Variants in TCF20 observed in about 807,000 individuals in gnomAD.
TCF20 encodes the protein SPRE-binding protein.
A neutral mutation model predicts 148.6 loss-of-function variants in TCF20; 3 were observed. The ratio of observed to expected loss-of-function variants is 0.02; its 90% CI spans 0.01 to 0.05. The LOEUF is 0.05. Ranked by LOEUF, TCF20 falls within the 10% of genes least tolerant of loss-of-function variation. The pLI, the probability that TCF20 is intolerant of heterozygous loss-of-function variation, is 1.00. For synonymous variants in TCF20, 1,049 were observed against 909.5 expected (o/e 1.15, Z -2.76); for missense variants, 2,350 against 2,429.3 (o/e 0.97, Z 0.69).
intron 1 of TCF20, among the ~76,000 whole-genome samples, chr22:42,342,217 G>T (rs916066471): frequency 6.6e-6 from 1 of 152,160 alleles, no homozygotes; most frequent in Non-Finnish European, 1.5e-5. Flanking sequence ...TGGCAATGGC[G>T]TCCCAATGGA....
At chr22:42,244,122 C>T (rs764345338) in intron 1 of TCF20, among the ~76,000 whole-genome samples, 4 of 152,062 alleles carry the variant, frequency 2.6e-5, no homozygotes, top group East Asian at 1.9e-4. Context: ...GAGAATCACT[C>T]GAGCCCAGTG....
At chr22:42,217,297 G>T (rs563526695) in intron 1 of TCF20, among the ~76,000 whole-genome samples, 4 of 152,228 alleles carry the variant, frequency 2.6e-5, no homozygotes, top group Non-Finnish European at 4.4e-5. Context: ...TCACCTGCAC[G>T]TTCTTCTCCC....
At chr22:42,195,758 CCA>C (rs1937575092) in intron 2 of TCF20, among the ~76,000 whole-genome samples, 2 of 152,312 alleles carry the variant, frequency 1.3e-5, no homozygotes, top group South Asian at 4.1e-4. Flanking sequence ...CCTCGGCCTC[CCA>C]CAGTGCCAGG....
chr22:42,205,784 T>G (rs1158885558), intron 2 of TCF20, among the ~76,000 whole-genome samples: 2 of 152,212 alleles, frequency 1.3e-5, no homozygotes, highest in East Asian at 1.9e-4. Flanking sequence ...TTTCTTATTT[T>G]TTTTAGAGAT....
intron 1 of TCF20, among the ~76,000 whole-genome samples, chr22:42,296,625 C>T (rs1927241877): frequency 6.6e-6 from 1 of 152,202 alleles, no homozygotes; most frequent in African/African-American, 2.4e-5. Flanking sequence ...CTCACAGTGC[C>T]CGAGCTGTCA....
chr22:42,335,529 T>C (rs759797940), intron 1 of TCF20, among the ~76,000 whole-genome samples: 1 of 152,174 alleles, frequency 6.6e-6, no homozygotes, highest in Non-Finnish European at 1.5e-5. Flanking sequence ...AATATCCTTA[T>C]TAAGGGACTG....
chr22:42,292,942 A>G lies in TCF20; in HGVS notation c.-37+50537T>C, dbSNP rs1354976461. Among the ~76,000 whole-genome samples, 2 of 150,334 alleles carry G rather than the reference A, an allele frequency of 1.3e-5. No homozygotes were observed. The highest frequency in any genetic ancestry group is 6.7e-5 in the Admixed American group (1 of 14,992). On this transcript the variant is annotated intron_variant, in intron 1 of 1. Transcript: ENST00000515426. This position sits in a 1 kb window ranked among gnomAD's most constrained non-coding sequence, Gnocchi z 4.9. ...CTCCCACTCTGTCCTGCCCACCAGGAGTGGCGGGGTTTGAATTTCAGGAGC... is the reference window on the plus strand; with the variant it reads ...CTCCCACTCTGTCCTGCCCACCAGGGGTGGCGGGGTTTGAATTTCAGGAGC...
intron 2 of TCF20, among the ~76,000 whole-genome samples, chr22:42,182,015 C>T (rs1371039053): frequency 1.3e-5 from 2 of 152,116 alleles, no homozygotes; most frequent in African/African-American, 4.8e-5. Context: ...AGGGGACAGC[C>T]CTGAAGACAA....
intron 1 of TCF20, among the ~76,000 whole-genome samples, chr22:42,304,070 A>G (rs961771188): frequency 1.3e-5 from 2 of 151,542 alleles, no homozygotes; most frequent in African/African-American, 4.9e-5. Context: ...CAGCCAGCCC[A>G]AAGGTAGCGT....
In TCF20 at chr22:42,211,568, A is replaced by G. The variant is rs1205919768; in HGVS notation, c.3738T>C (p.Ser1246=). ...MLRLPGQEDH[S]SQNPLIMRRR... ...TCCTCATGATTAAGGGGTTTTGAGA[A>G]GAATGATCCTCCTGGCCTGGAAGTC... Residue 1246 remains serine (S), a synonymous_variant, in exon 2 of 6, where the codon TCT becomes TCC. Coordinates refer to ENST00000677622, the MANE Select transcript of TCF20 (RefSeq NM_001378418.1). The G allele has an allele frequency of 6.2e-7, 1 of 1,614,244 alleles. No homozygotes were observed. The highest frequency in any genetic ancestry group is 1.7e-5 in the Admixed American group (1 of 60,024).
chr22:42,229,195 C>T (rs901958057), intron 1 of TCF20, among the ~76,000 whole-genome samples: 43 of 152,132 alleles, frequency 2.8e-4, no homozygotes, highest in Non-Finnish European at 6.3e-4. Context: ...GGACATCCAA[C>T]GTGCTGGTGA....
chr22:42,291,519 G>A (rs1888622239), intron 1 of TCF20, among the ~76,000 whole-genome samples: 1 of 152,208 alleles, frequency 6.6e-6, no homozygotes, highest in African/African-American at 2.4e-5. Context: ...ATGAGCCCTG[G>A]GGCAGCAGCA....
rs56079117 is a variant in TCF20 at position 42,164,212 on chromosome 22, C to CTTTTT, written c.*45-2859_*45-2855dup. ...TTCCCTGGGATGCACTCATTTCTTTCTTTTTTTTTTTTTTTTTTTTGAGAT... is the reference window on the plus strand; with the variant it reads ...TTCCCTGGGATGCACTCATTTCTTTCTTTTTTTTTTTTTTTTTTTTTTTTTGAGAT... On this transcript the variant is annotated intron_variant, in intron 5 of 5. Transcript: ENST00000677622. Among the ~76,000 whole-genome samples, 79 of 83,496 alleles carry CTTTTT rather than the reference C, an allele frequency of 9.5e-4. 1 individual carries two copies. The highest frequency in any genetic ancestry group is 3.1e-3 in the African/African-American group (65 of 20,906). The allele number at this position is 83,496 out of a possible 152,430, so 54.8% of individuals were successfully genotyped here. A position where few individuals can be genotyped will look rare whatever the true frequency, so the allele number is the denominator to read the frequency against.
chr22:42,183,288 C>T (rs1481749948), intron 2 of TCF20, among the ~76,000 whole-genome samples: 1 of 143,928 alleles, frequency 6.9e-6, no homozygotes, highest in African/African-American at 2.5e-5. Flanking sequence ...GGCAGAATCC[C>T]AAGAACCTGT....
At chr22:42,246,187 C>A (rs942077657) in intron 1 of TCF20, among the ~76,000 whole-genome samples, 1 of 152,148 alleles carries the variant, frequency 6.6e-6, no homozygotes, top group African/African-American at 2.4e-5. Flanking sequence ...CTCACTGCAA[C>A]CTCCACCTAC....
intron 1 of TCF20, among the ~76,000 whole-genome samples, chr22:42,259,234 T>C (rs530496999): frequency 1.3e-5 from 2 of 152,316 alleles, no homozygotes; most frequent in South Asian, 4.1e-4. Context: ...TTCTGGGCCC[T>C]TGAGCACTTG....
At chr22:42,217,226 G>A (rs545722646) in intron 1 of TCF20, among the ~76,000 whole-genome samples, 1 of 152,126 alleles carries the variant, frequency 6.6e-6, no homozygotes, top group African/African-American at 2.4e-5. Flanking sequence ...CTCTGCTCTA[G>A]CCCCACAGTT....
intron 1 of TCF20, among the ~76,000 whole-genome samples, chr22:42,314,590 C>G (rs1309061839): frequency 6.6e-6 from 1 of 152,130 alleles, no homozygotes; most frequent in East Asian, 1.9e-4. Flanking sequence ...GTCCTGCACC[C>G]AGGAGGCCCA....
chr22:42,276,394 C>T (rs528356904), intron 1 of TCF20: 1 of 152,270 alleles, frequency 6.6e-6, no homozygotes, highest in East Asian at 1.9e-4. Context: ...AGAAGATGCT[C>T]GAAGGTGCAC....
Sources: allele counts gnomAD v4.1 joint callset (sites outside exome capture counted in the v4.1 genomes callset), GRCh38; gene constraint gnomAD v4.1.1; non-coding constraint Gnocchi (gnomAD v3.1); transcripts MANE v1.5; gene names NCBI Gene and HGNC (gene_info 2026-07-23, HGNC 2026-07-21).